Variants in PCGF6 observed in about 807,000 individuals in gnomAD.
PCGF6 encodes the protein polycomb group RING finger protein 6.
PCGF6 carries 24 observed loss-of-function variants against 45.5 expected under a neutral mutation model. That is an observed-to-expected ratio of 0.53 (90% CI 0.38 to 0.74). The LOEUF (loss-of-function observed/expected upper bound fraction) is 0.74. Ranked by LOEUF, PCGF6 falls within the 30% of genes least tolerant of loss-of-function variation. The probability of loss-of-function intolerance (pLI) is 0.00; values close to 1 mark genes in which losing one functional copy is unlikely to be tolerated. For missense variants in PCGF6, 356 were observed against 443.2 expected, an observed-to-expected ratio of 0.80 and a Z score of 1.77; for synonymous variants, 152 against 162.1, an observed-to-expected ratio of 0.94 and a Z score of 0.47.
At position 103,347,254 on chromosome 10, in the gene PCGF6, T is replaced by C. The variant is rs1564736041; in HGVS notation, c.657A>G (p.Leu219=). ...CAAACTTACCAGGTTTAGGTACTTC[T>C]AGACCTCTTTCTTTATAGAAATCAT... is the stretch of plus-strand genomic sequence containing the variant. ...QMHDFYKERG[L]EVPKPAVPQP... The change falls in exon 5 of 10, where the codon CTA becomes CTG. Residue 219 remains leucine (L), a synonymous_variant. Coordinates refer to ENST00000369847, the MANE Select transcript of PCGF6 (RefSeq NM_001011663.2). 6.2e-7 allele frequency: 1 copy of C among 1,607,802 alleles called. No individual in the cohort carries two copies. The highest frequency in any genetic ancestry group is 8.5e-7 in the Non-Finnish European group (1 of 1,174,486).
intron 1 of PCGF6, among the ~76,000 whole-genome samples, chr10:103,350,222 A>T (rs1259540749): frequency 6.6e-6 from 1 of 151,228 alleles, no homozygotes; most frequent in Non-Finnish European, 1.5e-5. Context: ...TCTTGAACCC[A>T]GGAGTTCGAG....
At chr10:103,311,388 C>T (rs1024759588) in intron 9 of PCGF6, among the ~76,000 whole-genome samples, 1 of 151,248 alleles carries the variant, frequency 6.6e-6, no homozygotes, top group African/African-American at 2.4e-5. Context: ...ATGATCTGCC[C>T]GTCTCTGCCT....
intron 3 of PCGF6, among the ~76,000 whole-genome samples, chr10:103,347,820 A>G (rs2093305046): frequency 6.6e-6 from 1 of 152,066 alleles, no homozygotes; most frequent in Non-Finnish European, 1.5e-5. Flanking sequence ...CCTCCTTAAT[A>G]GCTGGGACTA....
At chr10:103,341,388 G>T (rs1322685316) in intron 6 of PCGF6, among the ~76,000 whole-genome samples, 1 of 147,056 alleles carries the variant, frequency 6.8e-6, no homozygotes, top group African/African-American at 2.5e-5. Flanking sequence ...TCCCAAGTAG[G>T]TAGGACTAAA....
At chr10:103,305,162 C>T (rs1004111371) in intron 9 of PCGF6, among the ~76,000 whole-genome samples, 3 of 151,948 alleles carry the variant, frequency 2.0e-5, no homozygotes, top group African/African-American at 7.3e-5. Flanking sequence ...CCAGTATAAA[C>T]GAGGTCTTGC....
chr10:103,324,328 GAA>G (rs35051041), intron 8 of PCGF6, among the ~76,000 whole-genome samples: 18,132 of 131,654 alleles, frequency 0.14, 1,557 homozygotes, highest in Non-Finnish European at 0.18. Flanking sequence ...TTTGACTAAT[GAA>G]AAAAAAAAAA....
chr10:103,345,482 C>T (rs1331174074), intron 5 of PCGF6, among the ~76,000 whole-genome samples: 1 of 151,754 alleles, frequency 6.6e-6, no homozygotes, highest in Admixed American at 6.6e-5. Flanking sequence ...TACTATAGTC[C>T]CATGATATAG....
chr10:103,340,426 C>A (rs929644715), intron 6 of PCGF6, among the ~76,000 whole-genome samples: 1 of 151,640 alleles, frequency 6.6e-6, no homozygotes, highest in Non-Finnish European at 1.5e-5. Flanking sequence ...ATCAGGAAAG[C>A]CTGCTATGAT....
At chr10:103,343,103 T>A (rs1451379118) in intron 6 of PCGF6, among the ~76,000 whole-genome samples, 1 of 152,066 alleles carries the variant, frequency 6.6e-6, no homozygotes, top group Non-Finnish European at 1.5e-5. Flanking sequence ...TAATTTTTTG[T>A]ATTTTTAGTA....
chr10:103,346,664 G>C (rs2093300636), intron 5 of PCGF6, among the ~76,000 whole-genome samples: 1 of 152,054 alleles, frequency 6.6e-6, no homozygotes, highest in African/African-American at 2.4e-5. Context: ...GTGTGGTGGC[G>C]TGTGCCTGTA....
chr10:103,350,982 C>CAGGAGG lies in PCGF6; in HGVS notation c.79_84dup (p.Pro27_Pro28dup), dbSNP rs2133606811. On this transcript the variant is annotated inframe_insertion, in exon 1 of 10. Transcript: ENST00000369847. ...GCAGGGGTGAGGGCGGGCGGGGAGA[C>CAGGAGG]AGGAGGCGGAGGCGGCAAGGCTGCA... 1 of 991,878 alleles carries CAGGAGG rather than the reference C, an allele frequency of 1.0e-6. No individual in the cohort carries two copies. Among genetic ancestry groups the CAGGAGG allele is most frequent in the Non-Finnish European group, 1.4e-6 (1 of 733,880 alleles). 61.4% of individuals were successfully genotyped at this position (991,878 alleles called of 1,614,324 possible).
At chr10:103,334,233 T>C (rs1249272533) in intron 6 of PCGF6, among the ~76,000 whole-genome samples, 1 of 152,118 alleles carries the variant, frequency 6.6e-6, no homozygotes, top group Non-Finnish European at 1.5e-5. Context: ...AATTTACTTA[T>C]TTTTTCCAGC....
intron 9 of PCGF6, among the ~76,000 whole-genome samples, chr10:103,311,105 G>A (rs1444334566): frequency 6.6e-6 from 1 of 151,954 alleles, no homozygotes; most frequent in African/African-American, 2.4e-5. Flanking sequence ...CAAAATGTTG[G>A]GATTATAGGA....
At chr10:103,316,696 T>C (rs2093177392) in intron 8 of PCGF6, among the ~76,000 whole-genome samples, 1 of 152,196 alleles carries the variant, frequency 6.6e-6, no homozygotes, top group South Asian at 2.1e-4. Context: ...ATCTCTGTTA[T>C]ATCTCTTCAA....
chr10:103,330,069 G>GT (rs2093234500), intron 7 of PCGF6, among the ~76,000 whole-genome samples: 1 of 150,998 alleles, frequency 6.6e-6, no homozygotes. Context: ...TGCCCGGCCT[G>GT]TTTTTTGTTT....
At chr10:103,322,036 T>C (rs925917974) in intron 8 of PCGF6, among the ~76,000 whole-genome samples, 5 of 151,566 alleles carry the variant, frequency 3.3e-5, no homozygotes, top group Non-Finnish European at 5.9e-5. Context: ...GCTGGGACTA[T>C]AGGCATGTGC....
intron 4 of PCGF6, 47 bp from the exon 5 acceptor site, chr10:103,347,344 AC>A: frequency 1.3e-6 from 2 of 1,586,696 alleles, no homozygotes; most frequent in Non-Finnish European, 1.7e-6. Context: ...AAATGTAACT[AC>A]TAGAGTCAGA....
At chr10:103,314,802 T>C (rs1447944175) in intron 8 of PCGF6, among the ~76,000 whole-genome samples, 1 of 151,110 alleles carries the variant, frequency 6.6e-6, no homozygotes, top group African/African-American at 2.4e-5. Flanking sequence ...ATACAAAAAC[T>C]AACCAGGCAC....
chr10:103,328,878 A>C (rs1216579978), intron 7 of PCGF6, among the ~76,000 whole-genome samples: 3 of 151,428 alleles, frequency 2.0e-5, no homozygotes, highest in Admixed American at 1.3e-4. Context: ...CAGCCTCCCA[A>C]GTAGCTGGGA....
Sources: allele counts gnomAD v4.1 joint callset (sites outside exome capture counted in the v4.1 genomes callset), GRCh38; gene constraint gnomAD v4.1.1; transcripts MANE v1.5; gene names NCBI Gene and HGNC (gene_info 2026-07-23, HGNC 2026-07-21).